Variants in HDAC9 observed in about 807,000 individuals in gnomAD.
The protein encoded by HDAC9 is MEF-2 interacting transcription repressor (MITR) protein.
In HDAC9, 41 loss-of-function variants were observed where a neutral mutation model predicts 139.4. The ratio of observed to expected loss-of-function variants is 0.29; its 90% CI spans 0.23 to 0.38. The LOEUF (loss-of-function observed/expected upper bound fraction) is 0.38. Among genes scored for constraint, HDAC9 ranks in the 10% least tolerant of loss-of-function variants. The pLI is 1.00. For synonymous variants in HDAC9, 517 were observed against 476.2 expected, an observed-to-expected ratio of 1.09 and a Z score of -1.12; for missense variants, 1,147 against 1,297.0, an observed-to-expected ratio of 0.88 and a Z score of 1.78.
chr7:18,257,430 CACACACAA>C (rs1028960059), intron 2 of HDAC9, among the ~76,000 whole-genome samples: 2 of 150,424 alleles, frequency 1.3e-5, no homozygotes, highest in Non-Finnish European at 3.0e-5. Context: ...CACACACACA[CACACACAA>C]AAAGAAAAAA....
At chr7:18,588,076 A>AT (rs1266284436) in intron 3 of HDAC9, among the ~76,000 whole-genome samples, 2 of 152,218 alleles carry the variant, frequency 1.3e-5, no homozygotes, top group African/African-American at 4.8e-5. Context: ...AACACCAAAG[A>AT]TTTTAATATG....
chr7:18,565,122 G>C (rs1163645328), intron 2 of HDAC9, among the ~76,000 whole-genome samples: 1 of 151,858 alleles, frequency 6.6e-6, no homozygotes, highest in Non-Finnish European at 1.5e-5. Flanking sequence ...TTGGCCTTCC[G>C]AGTAGCTTGG....
chr7:18,349,743 G>A (rs188226935), intron 1 of HDAC9, among the ~76,000 whole-genome samples: 43 of 151,452 alleles, frequency 2.8e-4, no homozygotes, highest in Non-Finnish European at 4.9e-4. Flanking sequence ...TACTTTTCAC[G>A]CCAACAGGAA....
intron 2 of HDAC9, among the ~76,000 whole-genome samples, chr7:18,207,775 C>T (rs1791642115): frequency 2.0e-5 from 3 of 151,738 alleles, no homozygotes; most frequent in Admixed American, 6.6e-5. Context: ...AGTGCAATGG[C>T]GCGATCTCGG....
intron 2 of HDAC9, chr7:18,509,171 T>G: frequency 1.7e-6 from 1 of 581,110 alleles, no homozygotes; most frequent in South Asian, 7.5e-5. Flanking sequence ...ACACATTATC[T>G]CACATGCTTG....
At chr7:18,643,913 G>T (rs1786526558) in intron 8 of HDAC9, among the ~76,000 whole-genome samples, 1 of 151,856 alleles carries the variant, frequency 6.6e-6, no homozygotes, top group South Asian at 2.1e-4. Context: ...GTTCTGGGAG[G>T]GAGGCAAGAG....
chr7:18,993,488 C>T (rs985558553), intron 25 of HDAC9, among the ~76,000 whole-genome samples: 2 of 152,200 alleles, frequency 1.3e-5, no homozygotes, highest in African/African-American at 4.8e-5. Flanking sequence ...GCTACTAACA[C>T]TTCTATGCTG....
intron 10 of HDAC9, 42 bp from the exon 11 acceptor site, chr7:18,648,424 G>A: frequency 4.5e-6 from 6 of 1,319,666 alleles, no homozygotes; most frequent in Non-Finnish European, 6.6e-6. Flanking sequence ...GTGTGTGTGT[G>A]TGTGTGTGTA....
Position 18,593,914 on chromosome 7 carries a change from C to G in HDAC9, c.549C>G (p.Ala183=), listed in dbSNP as rs1831706200. 2 of 1,612,682 alleles carry G rather than the reference C, an allele frequency of 1.2e-6. No homozygotes were observed. Among genetic ancestry groups the G allele is most frequent in the African/African-American group, 1.3e-5 (1 of 74,938 alleles). ...ACTTCCTTGTCTTTTCTAGGGCTGC[C>G]CACCACACATCATTGGATCAAAGCT... The part of the protein sequence containing the change: ...SRHPKLWYTA[A]HHTSLDQSSP... Residue 183 remains alanine, a synonymous_variant, in exon 6 of 26, where the codon GCC becomes GCG. Coordinates refer to ENST00000686413, the MANE Select transcript of HDAC9 (RefSeq NM_178425.4).
chr7:18,524,366 A>G (rs1423372820), intron 2 of HDAC9, among the ~76,000 whole-genome samples: 3 of 152,112 alleles, frequency 2.0e-5, no homozygotes, highest in African/African-American at 4.8e-5. Context: ...GATGTGGGTT[A>G]TTGCTTTTTC....
At chr7:18,482,415 A>AAAAAAAAAAAAAAAAAAAAAAAAAAT (rs1795636439) in intron 1 of HDAC9, among the ~76,000 whole-genome samples, 1 of 138,830 alleles carries the variant, frequency 7.2e-6, no homozygotes, top group African/African-American at 2.7e-5. Context: ...AAAAAAAAAA[A>AAAAAAAAAAAAAAAAAAAAAAAAAAT]AATTCTCCTT....
intron 13 of HDAC9, among the ~76,000 whole-genome samples, chr7:18,736,550 A>G (rs1786919696): frequency 6.6e-6 from 1 of 152,184 alleles, no homozygotes. Flanking sequence ...TGATTTGTGT[A>G]TGTTGAACCA....
chr7:18,288,236 A>T (rs1161343137), upstream of HDAC9, among the ~76,000 whole-genome samples: 1 of 152,184 alleles, frequency 6.6e-6, no homozygotes, highest in Non-Finnish European at 1.5e-5. Flanking sequence ...CACTCCTTTA[A>T]CATTTTTTAT....
rs1831001846 is a variant in HDAC9 at position 18,591,605 on chromosome 7, A to G, written c.505A>G (p.Asn169Asp). ...GAAAGACACTCCAACTAATGGAAAA[A>G]ATCATTCCGTGAGCCGCCATCCCAA... ...ATKDTPTNGK[N>D]HSVSRHPKLW... The change falls in exon 5 of 26, where the codon AAT (asparagine) becomes GAT (aspartate). Residue 169 changes from asparagine (N) to aspartate (D), a missense_variant. Around this residue, in one of 7 missense-constraint regions of HDAC9, gnomAD observed 79 missense variants for 65.8 expected, o/e 1.20. Coordinates refer to ENST00000686413, the MANE Select transcript of HDAC9 (RefSeq NM_178425.4). The G allele has an allele frequency of 1.2e-6, 2 of 1,613,402 alleles. No individual in the cohort carries two copies. Among genetic ancestry groups the G allele is most frequent in the Non-Finnish European group, 1.7e-6 (2 of 1,179,722 alleles).
At chr7:18,198,773 T>C (rs1790899753) in intron 2 of HDAC9, among the ~76,000 whole-genome samples, 1 of 152,176 alleles carries the variant, frequency 6.6e-6, no homozygotes, top group Non-Finnish European at 1.5e-5. Context: ...GCATGTATGT[T>C]GATATCATGT....
chr7:18,541,141 GTTTT>G (rs10678670), intron 2 of HDAC9, among the ~76,000 whole-genome samples: 3 of 65,452 alleles, frequency 4.6e-5, no homozygotes, highest in African/African-American at 2.0e-4. Context: ...AAGGAACCGT[GTTTT>G]TTTTTTTTTT....
At chr7:18,592,542 A>G (rs767820942) in intron 5 of HDAC9, among the ~76,000 whole-genome samples, 1 of 152,078 alleles carries the variant, frequency 6.6e-6, no homozygotes, top group East Asian at 1.9e-4. Context: ...CCCTCACACC[A>G]TTAAAGATAG....
intron 2 of HDAC9, among the ~76,000 whole-genome samples, chr7:18,571,108 A>G (rs928034035): frequency 6.6e-6 from 1 of 152,274 alleles, no homozygotes; most frequent in Non-Finnish European, 1.5e-5. Context: ...ATAGCTGCCA[A>G]TCCATTTAGC....
chr7:18,372,124 G>A (rs1010120037), intron 1 of HDAC9, among the ~76,000 whole-genome samples: 2 of 152,200 alleles, frequency 1.3e-5, no homozygotes, highest in African/African-American at 4.8e-5. Context: ...TCAACAAACT[G>A]ATTTGGTCTT....
Sources: gnomAD v4.1 joint callset for allele counts (sites outside exome capture counted in the v4.1 genomes callset) on GRCh38, gnomAD v4.1.1 for gene constraint, gnomAD v4.1.1 regional missense constraint, MANE v1.5 for transcripts, NCBI Gene and HGNC (gene_info 2026-07-23, HGNC 2026-07-21) for gene names.